AP1AR: variants seen among roughly 807,000 people sequenced by gnomAD.
AP1AR encodes the protein AP-1 complex-associated regulatory protein.
A neutral mutation model predicts 46.3 loss-of-function variants in AP1AR; 29 were observed. That is an observed-to-expected ratio of 0.63 (90% CI 0.47 to 0.85). The LOEUF is 0.85. Ranked by LOEUF, AP1AR falls within the 40% of genes least tolerant of loss-of-function variation. The pLI, the probability that AP1AR is intolerant of heterozygous loss-of-function variation, is 0.00. For synonymous variants in AP1AR, 122 were observed against 122.9 expected (o/e 0.99, Z 0.05); for missense variants, 357 against 356.3 (o/e 1.00, Z -0.02).
chr4:112,232,320 G>A (rs915293265), intron 1 of AP1AR, 146 bp downstream of exon 1: 1 of 714,422 alleles, frequency 1.4e-6, no homozygotes, highest in African/African-American at 1.8e-5. Flanking sequence ...CAGACTGGTG[G>A]TCGTCTTGGA....
chr4:112,245,758 A>G (rs535885891), intron 1 of AP1AR, among the ~76,000 whole-genome samples: 3 of 152,306 alleles, frequency 2.0e-5, no homozygotes, highest in East Asian at 3.9e-4. Context: ...TTTGCTCTCC[A>G]TTATATTAAT....
chr4:112,253,011 AAAC>A (rs947646390), intron 1 of AP1AR, among the ~76,000 whole-genome samples, 194 bp from the exon 2 acceptor site: 1 of 152,192 alleles, frequency 6.6e-6, no homozygotes, highest in African/African-American at 2.4e-5. Context: ...TTGATTGACT[AAAC>A]AAAGTCATAA....
Position 112,272,628 on chromosome 4 carries a change from G to T in AP1AR, c.*4219G>T, listed in dbSNP as rs1460708108. ...GAGCCCTAAGACAAAGGTCAAGCTG[G>T]GTACTCAATCTTTTGACGTCCCCCT... On this transcript the variant is annotated 3_prime_UTR_variant, in exon 10 of 10. Transcript: ENST00000274000. 2.6e-5 allele frequency among the ~76,000 whole-genome samples: 4 copies of T among 152,076 alleles called. No individual in the cohort carries two copies. Among genetic ancestry groups the T allele is most frequent in the African/African-American group, 9.7e-5 (4 of 41,390 alleles).
rs1296464088 is a variant in AP1AR at position 112,265,003 on chromosome 4, C to T, written c.382-6C>T. 1 of 1,589,306 alleles carries T rather than the reference C, an allele frequency of 6.3e-7. No homozygotes were observed. Among genetic ancestry groups the T allele is most frequent in the Non-Finnish European group, 8.6e-7 (1 of 1,169,422 alleles). On this transcript the variant is annotated splice_region_variant and splice_polypyrimidine_tract_variant and intron_variant, in intron 6 of 9. Transcript: ENST00000274000. ...TGATTTTTTTTATTACATTATGTTTCCAAAGCAAGAAAGGCAGAGAATTGT... is the reference window on the plus strand; with the variant it reads ...TGATTTTTTTTATTACATTATGTTTTCAAAGCAAGAAAGGCAGAGAATTGT...
intron 1 of AP1AR, among the ~76,000 whole-genome samples, chr4:112,244,301 G>C (rs754646111): frequency 1.3e-5 from 2 of 152,234 alleles, no homozygotes; most frequent in Non-Finnish European, 2.9e-5. Flanking sequence ...AATTTTAATG[G>C]AAGAGCAAAG....
chr4:112,270,717 C>T lies in AP1AR; in HGVS notation c.*2308C>T, dbSNP rs1418196873. Among the ~76,000 whole-genome samples, 1 of 152,052 alleles carries T rather than the reference C, an allele frequency of 6.6e-6. No individual in the cohort carries two copies. The highest frequency in any genetic ancestry group is 1.5e-5 in the Non-Finnish European group (1 of 68,002). On this transcript the variant is annotated 3_prime_UTR_variant, in exon 10 of 10. Coordinates refer to ENST00000274000, the MANE Select transcript of AP1AR (RefSeq NM_018569.6). ...AATAAAAAGACCACTGGGAATGAAG[C>T]ATCATGAGTGAGGGGGAAGAGTGGT... is the stretch of plus-strand genomic sequence containing the variant.
chr4:112,241,140 C>T (rs563206840), intron 1 of AP1AR, among the ~76,000 whole-genome samples: 5 of 152,238 alleles, frequency 3.3e-5, no homozygotes, highest in African/African-American at 1.2e-4. Flanking sequence ...AATTTGTCTC[C>T]TCTCTGCCAA....
intron 1 of AP1AR, among the ~76,000 whole-genome samples, chr4:112,239,140 G>T (rs558407782): frequency 2.0e-5 from 3 of 152,152 alleles, no homozygotes; most frequent in South Asian, 4.1e-4. Context: ...CTACCCTCCT[G>T]ATACGCCCTT....
intron 1 of AP1AR, among the ~76,000 whole-genome samples, chr4:112,232,392 G>A (rs1424296342): frequency 1.3e-5 from 2 of 152,238 alleles, no homozygotes; most frequent in Non-Finnish European, 2.9e-5. Context: ...GGGGCGGGGT[G>A]TCCCTCCTGC....
chr4:112,250,604 A>C (rs1725913157), intron 1 of AP1AR, among the ~76,000 whole-genome samples: 1 of 152,202 alleles, frequency 6.6e-6, no homozygotes, highest in African/African-American at 2.4e-5. Context: ...GAATATATAC[A>C]TGTTATGTTT....
chr4:112,245,499 G>A (rs1019197900), intron 1 of AP1AR, among the ~76,000 whole-genome samples: 3 of 152,058 alleles, frequency 2.0e-5, no homozygotes, highest in African/African-American at 7.2e-5. Flanking sequence ...GTAATTTTTT[G>A]TACTAAGTCC....
At position 112,263,095 on chromosome 4, in the gene AP1AR, A is replaced by G. The variant is rs1726524889; in HGVS notation, c.381+9A>G. 1.2e-6 allele frequency: 2 copies of G among 1,605,494 alleles called. No homozygotes were observed. Among genetic ancestry groups the G allele is most frequent in the Non-Finnish European group, 1.7e-6 (2 of 1,174,188 alleles). On this transcript the variant is annotated intron_variant, in intron 6 of 9. Transcript: ENST00000274000. ...AGCGAAAGCTCTTGGAGGTGAGGGG[A>G]AAAGACCCCAGCATATATTAGGGTT... is the stretch of plus-strand genomic sequence containing the variant.
chr4:112,256,753 G>A (rs764661386), intron 3 of AP1AR, among the ~76,000 whole-genome samples: 99 of 152,284 alleles, frequency 6.5e-4, no homozygotes, highest in Non-Finnish European at 1.2e-3. Context: ...CTTTGCTTTG[G>A]AGGAAAAAAC....
chr4:112,241,431 C>T (rs941824211), intron 1 of AP1AR, among the ~76,000 whole-genome samples: 1 of 152,176 alleles, frequency 6.6e-6, no homozygotes, highest in Non-Finnish European at 1.5e-5. Flanking sequence ...GAAAGCTGGT[C>T]GTGTAAGTCT....
chr4:112,266,686 T>C lies in AP1AR; in HGVS notation c.613T>C (p.Ser205Pro), dbSNP rs1265060104. Residue 205 changes from serine to proline, a missense_variant, in exon 9 of 10, where the codon TCC becomes CCC. This residue lies in a region of AP1AR where 88 missense variants were observed against 132.7 expected (regional missense o/e 0.66). Transcript: ENST00000274000. ...KSTSGNDDST[S>P]LDLEWEDEEG... ...AACTAGTGGAAATGACGACAGCACA[T>C]CCTTAGATCTAGAGTGGGAAGATGA... 5.0e-6 allele frequency: 8 copies of C among 1,609,510 alleles called. No individual in the cohort carries two copies. Among genetic ancestry groups the C allele is most frequent in the Non-Finnish European group, 6.8e-6 (8 of 1,177,358 alleles).
intron 1 of AP1AR, among the ~76,000 whole-genome samples, chr4:112,248,339 G>A (rs1725808018): frequency 6.6e-6 from 1 of 152,066 alleles, no homozygotes; most frequent in African/African-American, 2.4e-5. Flanking sequence ...TGTGAAATAT[G>A]GGGAAATAGA....
intron 7 of AP1AR, chr4:112,265,289 C>T (rs1726652637): frequency 2.3e-6 from 1 of 432,242 alleles, no homozygotes; most frequent in Non-Finnish European, 4.1e-6. Context: ...AGAGTGGTCT[C>T]ATTTCCCATA....
At position 112,272,656 on chromosome 4, in the gene AP1AR, G is replaced by A. The variant is rs534720107; in HGVS notation, c.*4247G>A. ...ACTCAATCTTTTGACGTCCCCCTTCGTTCCATCCAAGTGTACTTTTTTTTG... is the reference window on the plus strand; with the variant it reads ...ACTCAATCTTTTGACGTCCCCCTTCATTCCATCCAAGTGTACTTTTTTTTG... On this transcript the variant is annotated 3_prime_UTR_variant, in exon 10 of 10. Coordinates refer to ENST00000274000, the MANE Select transcript of AP1AR (RefSeq NM_018569.6). 2.1e-4 allele frequency among the ~76,000 whole-genome samples: 32 copies of A among 152,222 alleles called. No individual in the cohort carries two copies. The highest frequency in any genetic ancestry group is 2.0e-3 in the Admixed American group (30 of 15,298).
At chr4:112,249,830 C>T (rs1725877241) in intron 1 of AP1AR, among the ~76,000 whole-genome samples, 1 of 152,074 alleles carries the variant, frequency 6.6e-6, no homozygotes, top group Non-Finnish European at 1.5e-5. Context: ...AATACTTAGC[C>T]ACTGTTGATG....
Sources: gnomAD v4.1 joint callset for allele counts (sites outside exome capture counted in the v4.1 genomes callset) on GRCh38, gnomAD v4.1.1 for gene constraint, gnomAD v4.1.1 regional missense constraint, MANE v1.5 for transcripts, NCBI Gene and HGNC (gene_info 2026-07-23, HGNC 2026-07-21) for gene names.